MIR2052HG: variants seen among roughly 807,000 people sequenced by gnomAD.
MIR2052HG encodes MIR2052 host gene.
At chr8:74,732,887 ACTTGTAGG>A (rs1809707176) in intron 4 of MIR2052HG, among the ~76,000 whole-genome samples, 1 of 152,058 alleles carries the variant, frequency 6.6e-6, no homozygotes, top group Non-Finnish European at 1.5e-5. Context: ...GTGAAGGCTG[ACTTGTAGG>A]CTTGGGTAGG....
At chr8:74,661,857 T>C (rs1334872564) in intron 2 of MIR2052HG, among the ~76,000 whole-genome samples, 2 of 152,176 alleles carry the variant, frequency 1.3e-5, no homozygotes, top group African/African-American at 2.4e-5. Context: ...TGGGAACTAC[T>C]ATCATTCAAA....
At chr8:74,661,480 C>A (rs147777675) in intron 2 of MIR2052HG, among the ~76,000 whole-genome samples, 2 of 152,200 alleles carry the variant, frequency 1.3e-5, no homozygotes, top group East Asian at 3.9e-4. Context: ...GGATTACAGG[C>A]GTGAGTCACT....
intron 2 of MIR2052HG, among the ~76,000 whole-genome samples, chr8:74,676,272 T>A (rs1809050579): frequency 6.6e-6 from 1 of 151,994 alleles, no homozygotes; most frequent in Non-Finnish European, 1.5e-5. Context: ...GATAAATTAA[T>A]AATAAAATGT....
At chr8:74,650,592 G>A (rs1218617899) in intron 2 of MIR2052HG, among the ~76,000 whole-genome samples, 1 of 152,160 alleles carries the variant, frequency 6.6e-6, no homozygotes, top group Non-Finnish European at 1.5e-5. Context: ...TGCGATAGAT[G>A]AGTATGGTGT....
intron 2 of MIR2052HG, among the ~76,000 whole-genome samples, chr8:74,660,237 T>C (rs1177540359): frequency 6.6e-6 from 1 of 152,212 alleles, no homozygotes; most frequent in Non-Finnish European, 1.5e-5. Context: ...TCAAATGACC[T>C]ACAGTGGACC....
intron 2 of MIR2052HG, among the ~76,000 whole-genome samples, chr8:74,613,621 G>C (rs1219512614): frequency 1.3e-5 from 2 of 152,120 alleles, no homozygotes; most frequent in African/African-American, 4.8e-5. Flanking sequence ...AAGTAGCTGG[G>C]ATTACAGGCA....
At chr8:74,734,969 A>T (rs368728581) in intron 4 of MIR2052HG, among the ~76,000 whole-genome samples, 1 of 152,244 alleles carries the variant, frequency 6.6e-6, no homozygotes, top group East Asian at 1.9e-4. Flanking sequence ...AATGCTGAAC[A>T]TATCTGTCAG....
At chr8:74,669,358 A>C (rs570876036) in intron 2 of MIR2052HG, among the ~76,000 whole-genome samples, 1 of 152,004 alleles carries the variant, frequency 6.6e-6, no homozygotes, top group South Asian at 2.1e-4. Context: ...CACCATTTCT[A>C]CTGCTGTAAT....
At chr8:74,678,468 C>G (rs1460423566) in intron 2 of MIR2052HG, among the ~76,000 whole-genome samples, 1 of 143,520 alleles carries the variant, frequency 7.0e-6, no homozygotes, top group Non-Finnish European at 1.5e-5. Context: ...GAGGCGGAGA[C>G]AGGAGAATCG....
chr8:74,661,228 G>C (rs1026916121), intron 2 of MIR2052HG, among the ~76,000 whole-genome samples: 2 of 145,860 alleles, frequency 1.4e-5, no homozygotes, highest in Admixed American at 6.9e-5. Flanking sequence ...TCGAGACAGA[G>C]TCTCACTCTG....
At chr8:74,640,970 T>C (rs1347473770) in intron 2 of MIR2052HG, among the ~76,000 whole-genome samples, 1 of 152,222 alleles carries the variant, frequency 6.6e-6, no homozygotes, top group Non-Finnish European at 1.5e-5. Context: ...CATTGTGTTC[T>C]TGGAGTGAAC....
chr8:74,657,140 C>T (rs572630393), intron 2 of MIR2052HG, among the ~76,000 whole-genome samples: 1 of 152,258 alleles, frequency 6.6e-6, no homozygotes, highest in African/African-American at 2.4e-5. Flanking sequence ...ATGCTGCTGC[C>T]TTCTTCTCAT....
At chr8:74,680,414 AC>A (rs1209295837) in intron 2 of MIR2052HG, among the ~76,000 whole-genome samples, 1 of 152,186 alleles carries the variant, frequency 6.6e-6, no homozygotes, top group African/African-American at 2.4e-5. Context: ...ACATGAACAG[AC>A]ACTTCTCAAA....
chr8:74,743,826 C>T (rs1809856020), intron 4 of MIR2052HG, among the ~76,000 whole-genome samples: 2 of 152,244 alleles, frequency 1.3e-5, no homozygotes, highest in South Asian at 4.1e-4. Flanking sequence ...CCATTTTGGA[C>T]TCCAACAGGA....
intron 2 of MIR2052HG, among the ~76,000 whole-genome samples, chr8:74,651,044 G>A (rs141370979): frequency 1.3e-5 from 2 of 151,650 alleles, no homozygotes; most frequent in Non-Finnish European, 2.9e-5. Flanking sequence ...TTTCCTTTCT[G>A]GTTAATAGAC....
intron 2 of MIR2052HG, among the ~76,000 whole-genome samples, chr8:74,634,993 T>C (rs1449536867): frequency 6.6e-6 from 1 of 152,204 alleles, no homozygotes; most frequent in Non-Finnish European, 1.5e-5. Flanking sequence ...AGTCTAATTT[T>C]TATCTAATAA....
At chr8:74,753,672 G>A (rs549738428) in intron 5 of MIR2052HG, among the ~76,000 whole-genome samples, 1 of 152,134 alleles carries the variant, frequency 6.6e-6, no homozygotes, top group South Asian at 2.1e-4. Context: ...AGCCATTATT[G>A]CAGGTGCTGA....
chr8:74,609,527 G>A (rs1339097453), intron 1 of MIR2052HG, among the ~76,000 whole-genome samples: 2 of 151,640 alleles, frequency 1.3e-5, no homozygotes, highest in East Asian at 1.9e-4. Flanking sequence ...CCTCATAAAT[G>A]TGATACAAAC....
intron 4 of MIR2052HG, among the ~76,000 whole-genome samples, chr8:74,751,573 C>G (rs560786515): frequency 4.1e-4 from 62 of 152,294 alleles, no homozygotes; most frequent in African/African-American, 1.4e-3. Flanking sequence ...CCTGCAGAAA[C>G]AGTGGTTCAG....
Sources: gnomAD v4.1 joint callset for allele counts (sites outside exome capture counted in the v4.1 genomes callset) on GRCh38, gnomAD v4.1.1 for gene constraint, MANE v1.5 for transcripts, NCBI Gene and HGNC (gene_info 2026-07-23, HGNC 2026-07-21) for gene names.